The following BRINP3 variants were observed in gnomAD, a reference collection of about 807,000 sequenced individuals.
The protein encoded by BRINP3 is BMP/retinoic acid inducible neural specific 3, also known as BMP/retinoic acid-inducible neural-specific protein 3.
BRINP3 carries 19 observed loss-of-function variants against 71.0 expected under a neutral mutation model. The observed-to-expected ratio is 0.27, with a 90% CI of 0.19 to 0.39. BRINP3 has a LOEUF of 0.39. Among genes scored for constraint, BRINP3 ranks in the 10% least tolerant of loss-of-function variants. The pLI, the probability that BRINP3 is intolerant of heterozygous loss-of-function variation, is 1.00. For synonymous variants in BRINP3, 380 were observed against 337.7 expected, an observed-to-expected ratio of 1.13 and a Z score of -1.37; for missense variants, 959 against 940.8, an observed-to-expected ratio of 1.02 and a Z score of -0.25.
intron 2 of BRINP3, among the ~76,000 whole-genome samples, chr1:190,394,022 C>G (rs968088504): frequency 6.6e-6 from 1 of 151,470 alleles, no homozygotes; most frequent in Admixed American, 6.6e-5. Flanking sequence ...ATTTTATACT[C>G]AACTTTAATC....
intron 7 of BRINP3, among the ~76,000 whole-genome samples, chr1:190,108,343 T>C (rs1460367988): frequency 6.6e-6 from 1 of 151,756 alleles, no homozygotes; most frequent in East Asian, 1.9e-4. Context: ...GCAAATCGTG[T>C]GTGTGTGTGT....
intron 2 of BRINP3, among the ~76,000 whole-genome samples, chr1:190,349,861 TATC>T (rs1260553321): frequency 1.3e-5 from 2 of 152,150 alleles, no homozygotes; most frequent in Non-Finnish European, 2.9e-5. Flanking sequence ...AATTTGAAAT[TATC>T]ATTTTAAAAT....
At chr1:190,133,404 T>C (rs939237992) in intron 7 of BRINP3, among the ~76,000 whole-genome samples, 23 of 152,100 alleles carry the variant, frequency 1.5e-4, no homozygotes, top group Non-Finnish European at 2.4e-4. Context: ...CTTCTGAGCA[T>C]GTATTACAGA....
intron 1 of BRINP3, among the ~76,000 whole-genome samples, chr1:190,460,810 C>A (rs1676343207): frequency 6.6e-6 from 1 of 152,190 alleles, no homozygotes; most frequent in African/African-American, 2.4e-5. Flanking sequence ...TAAGCCTAAA[C>A]ATGACTTTGA....
chr1:190,249,833 CA>C (rs1220728649), intron 4 of BRINP3, among the ~76,000 whole-genome samples: 1 of 151,666 alleles, frequency 6.6e-6, no homozygotes, highest in African/African-American at 2.4e-5. Context: ...ATATAGTCAA[CA>C]GTATTATTAA....
chr1:190,449,505 C>T (rs1319650839), intron 2 of BRINP3, among the ~76,000 whole-genome samples: 1 of 151,984 alleles, frequency 6.6e-6, no homozygotes, highest in Non-Finnish European at 1.5e-5. Flanking sequence ...GGTCTCCCTA[C>T]TATTAACCTC....
chr1:190,158,548 A>G (rs1657066995), intron 7 of BRINP3, among the ~76,000 whole-genome samples: 1 of 152,042 alleles, frequency 6.6e-6, no homozygotes, highest in Non-Finnish European at 1.5e-5. Flanking sequence ...TCATACCTCA[A>G]ACCTCAGCAT....
Position 190,454,940 on chromosome 1 carries a change from C to G in BRINP3, c.-50G>C. 1 of 1,469,140 alleles carries G rather than the reference C, an allele frequency of 6.8e-7. No individual in the cohort carries two copies. Among genetic ancestry groups the G allele is most frequent in the South Asian group, 1.2e-5 (1 of 85,794 alleles). The allele number at this position is 1,469,140 out of a possible 1,614,324, so 91.0% of individuals were successfully genotyped here. The stretch of plus-strand genomic sequence containing the variant: ...TCATTCTCTCAGCTTTCCCTCAACA[C>G]CTAGACAAAATACACAGGCAATTAG... On this transcript the variant is annotated splice_region_variant and 5_prime_UTR_variant, in exon 2 of 8. Transcript: ENST00000367462.
intron 2 of BRINP3, among the ~76,000 whole-genome samples, chr1:190,421,627 C>T (rs1160729020): frequency 6.6e-6 from 1 of 151,638 alleles, no homozygotes; most frequent in Non-Finnish European, 1.5e-5. Flanking sequence ...TCACATGTCA[C>T]TTATGTGACC....
chr1:190,187,535 T>C (rs1653638828), intron 6 of BRINP3, among the ~76,000 whole-genome samples: 1 of 152,112 alleles, frequency 6.6e-6, no homozygotes, highest in South Asian at 2.1e-4. Flanking sequence ...TTATTTAATC[T>C]ATTTTTACTT....
intron 2 of BRINP3, among the ~76,000 whole-genome samples, chr1:190,433,174 A>G (rs1674217593): frequency 6.6e-6 from 1 of 152,144 alleles, no homozygotes; most frequent in Non-Finnish European, 1.5e-5. Flanking sequence ...TTCATAGACC[A>G]CTGCAAATAT....
intron 6 of BRINP3, among the ~76,000 whole-genome samples, chr1:190,178,001 G>A (rs1247750694): frequency 1.3e-5 from 2 of 152,132 alleles, no homozygotes; most frequent in Admixed American, 6.6e-5. Flanking sequence ...ATCTAGAGAT[G>A]ATTTAAAGCT....
intron 2 of BRINP3, among the ~76,000 whole-genome samples, chr1:190,312,390 T>C (rs1665595824): frequency 6.6e-6 from 1 of 151,604 alleles, no homozygotes; most frequent in East Asian, 1.9e-4. Context: ...ATATTTATGA[T>C]CTCAGTGATA....
chr1:190,337,450 T>C (rs1308568124), intron 2 of BRINP3, among the ~76,000 whole-genome samples: 4 of 152,004 alleles, frequency 2.6e-5, no homozygotes, highest in African/African-American at 9.7e-5. Context: ...GTGGGCACCA[T>C]CTAATCAGCT....
chr1:190,299,024 T>C (rs1369843618), intron 2 of BRINP3, among the ~76,000 whole-genome samples: 2 of 152,182 alleles, frequency 1.3e-5, no homozygotes, highest in Admixed American at 6.5e-5. Flanking sequence ...TATGTGTTCA[T>C]GTTGTATTAA....
chr1:190,235,490 T>C (rs183983469), intron 4 of BRINP3, among the ~76,000 whole-genome samples: 4 of 152,104 alleles, frequency 2.6e-5, no homozygotes, highest in East Asian at 1.9e-4. Flanking sequence ...TACAATCATT[T>C]AATGGTTTCC....
chr1:190,179,396 C>G (rs1048722132), intron 6 of BRINP3, among the ~76,000 whole-genome samples: 4 of 152,018 alleles, frequency 2.6e-5, no homozygotes, highest in Non-Finnish European at 4.4e-5. Flanking sequence ...GCAATTAACA[C>G]TCTTGAAAAA....
chr1:190,280,498 C>T (rs1203230729), intron 3 of BRINP3, among the ~76,000 whole-genome samples: 1 of 151,652 alleles, frequency 6.6e-6, no homozygotes, highest in East Asian at 1.9e-4. Context: ...TCTAGAGATG[C>T]TGGAGAGCAG....
chr1:190,462,322 C>T (rs1676450476), intron 1 of BRINP3, among the ~76,000 whole-genome samples: 1 of 152,078 alleles, frequency 6.6e-6, no homozygotes, highest in Admixed American at 6.6e-5. Flanking sequence ...TTATGCACAA[C>T]TGGAAAACTA....
Sources: gnomAD v4.1 joint callset for allele counts (sites outside exome capture counted in the v4.1 genomes callset) on GRCh38, gnomAD v4.1.1 for gene constraint, MANE v1.5 for transcripts, NCBI Gene and HGNC (gene_info 2026-07-23, HGNC 2026-07-21) for gene names.